Variants in UNC5CL observed in about 807,000 individuals in gnomAD.
UNC5CL encodes unc-5 family C-terminal like, also known as UNC5C-like protein.
A neutral mutation model predicts 54.1 loss-of-function variants in UNC5CL; 42 were observed. The observed-to-expected ratio is 0.78, with a 90% confidence interval of 0.61 to 1.00. UNC5CL has a LOEUF of 1.00. Among genes scored for constraint, UNC5CL ranks in the 50% least tolerant of loss-of-function variants. The pLI, the probability that UNC5CL is intolerant of heterozygous loss-of-function variation, is 0.00. For synonymous variants in UNC5CL, 285 were observed against 285.1 expected (o/e 1.00, Z 0.00); for missense variants, 619 against 675.6 (o/e 0.92, Z 0.93).
At chr6:41,030,251 G>A in intron 8 of UNC5CL, 137 bp downstream of exon 8, 1 of 737,648 alleles carries the variant, frequency 1.4e-6, no homozygotes, top group South Asian at 1.7e-5. Context: ...CCCTTTTATG[G>A]GAAATAGGGT....
chr6:41,028,304 G>C lies in UNC5CL; in HGVS notation c.*69C>G. 7.0e-7 allele frequency: 1 copy of C among 1,418,734 alleles called. No homozygotes were observed. The highest frequency in any genetic ancestry group is 2.5e-5 in the East Asian group (1 of 40,058). The allele number at this position is 1,418,734 out of a possible 1,614,324, so 87.9% of individuals were successfully genotyped here. ...GGGCACAGCCAGGAACAGCTGCTGT[G>C]TTCCTCTTAGGCGTAGGAGAACAAC... On this transcript the variant is annotated 3_prime_UTR_variant, in exon 9 of 9. Transcript: ENST00000244565. This position sits in a 1 kb window ranked among gnomAD's most constrained non-coding sequence, Gnocchi z 4.3.
chr6:41,035,030 C>A lies in UNC5CL; in HGVS notation c.45G>T (p.Leu15=). Residue 15 remains leucine (L), a synonymous_variant, in exon 2 of 9, where the codon CTG becomes CTT. Coordinates refer to ENST00000244565, the MANE Select transcript of UNC5CL (RefSeq NM_173561.3). ...CACTTGCCACTGGGACCCCCACCAG[C>A]AGTAGGAACTGGGAGGGTTGGAATG... ...ESSFQPSQFL[L]LVGVPVASVL... 1 of 1,598,034 alleles carries A rather than the reference C, an allele frequency of 6.3e-7. No individual in the cohort carries two copies. The highest frequency in any genetic ancestry group is 8.6e-7 in the Non-Finnish European group (1 of 1,168,288).
intron 7 of UNC5CL, 58 bp downstream of exon 7, chr6:41,030,597 G>A (rs1236709458): frequency 8.1e-6 from 13 of 1,608,622 alleles, no homozygotes; most frequent in African/African-American, 1.3e-5. Flanking sequence ...CACCCTGTGG[G>A]TGCCAGGGTA....
At chr6:41,038,239 G>T (rs138453995) in intron 1 of UNC5CL, among the ~76,000 whole-genome samples, 131 of 152,210 alleles carry the variant, frequency 8.6e-4, no homozygotes, top group African/African-American at 3.0e-3. Context: ...TCAGTTATGT[G>T]GTAATACCCA....
rs751416466 is a variant in UNC5CL at position 41,034,763 on chromosome 6, C to G, written c.312G>C (p.Ser104=). Residue 104 remains serine (S), a synonymous_variant, in exon 2 of 9, where the codon TCG becomes TCC. Transcript: ENST00000244565. ...CGCCGCGGTGATCCACCTCTCGAGC[C>G]GAAAACACCAACAGTTTGTGCATCA... ...RQLMHKLLVF[S]AREVDHRGGC... is the part of the protein sequence containing the mutation. 6.2e-7 allele frequency: 1 copy of G among 1,613,442 alleles called. No individual in the cohort carries two copies. Among genetic ancestry groups the G allele is most frequent in the East Asian group, 2.2e-5 (1 of 44,888 alleles).
At position 41,030,384 on chromosome 6, in the gene UNC5CL, C is replaced by T. The variant is rs1296451174; in HGVS notation, c.1334+4G>A. ...CCATCCACAGACCTCACCCCTCTTC[C>T]TACCGGATCTTCATGCCGCAAAGCC... is the stretch of plus-strand genomic sequence containing the variant. On this transcript the variant is annotated splice_donor_region_variant and intron_variant, in intron 8 of 8. Transcript: ENST00000244565. 1 of 1,613,940 alleles carries T rather than the reference C, an allele frequency of 6.2e-7. No individual in the cohort carries two copies. The highest frequency in any genetic ancestry group is 8.5e-7 in the Non-Finnish European group (1 of 1,179,848).
chr6:41,037,234 T>A (rs1762536430), intron 1 of UNC5CL, among the ~76,000 whole-genome samples: 1 of 152,252 alleles, frequency 6.6e-6, no homozygotes, highest in African/African-American at 2.4e-5. Flanking sequence ...CAAATGAACA[T>A]TTTCTAAGCA....
chr6:41,032,924 A>G lies in UNC5CL; in HGVS notation c.909T>C (p.Ala303=). The change falls in exon 4 of 9, where the codon GCT becomes GCC. Residue 303 remains alanine (A), a synonymous_variant. Transcript: ENST00000244565. ...TGAGCTTCAGGCACTGGTCGCCCCT[A>G]GCCCCATTGAAGTCGAAGAGCTGGC... The part of the protein sequence containing the change: ...GPCQLFDFNG[A]RGDQCLKLTY... The G allele has an allele frequency of 6.2e-7, 1 of 1,605,884 alleles. No homozygotes were observed. The highest frequency in any genetic ancestry group is 8.5e-7 in the Non-Finnish European group (1 of 1,176,222).
At chr6:41,036,307 G>C (rs1419657504) in intron 1 of UNC5CL, among the ~76,000 whole-genome samples, 1 of 152,158 alleles carries the variant, frequency 6.6e-6, no homozygotes, top group African/African-American at 2.4e-5. Context: ...TATATGAACA[G>C]AACAGCTCAC....
chr6:41,028,625 G>A lies in UNC5CL; in HGVS notation c.1335-30C>T. ...CCCGAGGTAGGGGAGGAAGAGAAGG[G>A]TGTAGGAGCAGGGAGGGGCTCCCCC... On this transcript the variant is annotated intron_variant, in intron 8 of 8. Transcript: ENST00000244565. The surrounding 1 kb of genome is among the most constrained non-coding windows in gnomAD (Gnocchi z 4.3). The A allele has an allele frequency of 6.2e-7, 1 of 1,601,440 alleles. No homozygotes were observed. Among genetic ancestry groups the A allele is most frequent in the Non-Finnish European group, 8.5e-7 (1 of 1,174,098 alleles).
chr6:41,029,510 C>T lies in UNC5CL; in HGVS notation c.1334+878G>A, dbSNP rs1762428371. 6.6e-6 allele frequency among the ~76,000 whole-genome samples: 1 copy of T among 152,206 alleles called. No homozygotes were observed. Among genetic ancestry groups the T allele is most frequent in the Non-Finnish European group, 1.5e-5 (1 of 68,036 alleles). On this transcript the variant is annotated intron_variant, in intron 8 of 8. Coordinates refer to ENST00000244565, the MANE Select transcript of UNC5CL (RefSeq NM_173561.3). This position sits in a 1 kb window ranked among gnomAD's most constrained non-coding sequence, Gnocchi z 4.1. ...TCTCTGAACCCTTTACTAGTGTGTG[C>T]GCTCCTAGGCGCCGGGACCATGCCT...
rs749327375 is a variant in UNC5CL, at chr6:41,034,848, A to G, written c.227T>C (p.Met76Thr). The change falls in exon 2 of 9, where the codon ATG (methionine) becomes ACG (threonine). Residue 76 changes from methionine (M) to threonine (T), a missense_variant. Met to Thr is a moderately conservative substitution (Grantham distance 81, BLOSUM62 -1). Transcript: ENST00000244565. ...GTGTAGCTCCTGGTAGAAGGCAACC[A>G]TCTCTGGCAGTGTGGCTGGCAGGTG... ...RQHLPATLPE[M>T]VAFYQELHTP... The G allele has an allele frequency of 1.9e-6, 3 of 1,614,228 alleles. No homozygotes were observed. Among genetic ancestry groups the G allele is most frequent in the Non-Finnish European group, 2.5e-6 (3 of 1,180,040 alleles).
At chr6:41,032,776 A>C in intron 4 of UNC5CL, 108 bp downstream of exon 4, 1 of 1,422,764 alleles carries the variant, frequency 7.0e-7, no homozygotes, top group Non-Finnish European at 9.3e-7. Flanking sequence ...AAAAAAAGAG[A>C]GAGAGACTTG....
intron 4 of UNC5CL, 78 bp downstream of exon 4, chr6:41,032,806 T>A (rs1405447863): frequency 2.2e-5 from 32 of 1,455,236 alleles, no homozygotes; most frequent in Non-Finnish European, 2.8e-5. Flanking sequence ...GATCTCCAGA[T>A]GTCCAGGGGA....
intron 6 of UNC5CL, 80 bp downstream of exon 6, chr6:41,031,601 T>C (rs1307292406): frequency 7.2e-7 from 1 of 1,385,264 alleles, no homozygotes; most frequent in Non-Finnish European, 1.0e-6. Context: ...CCATAGTTAC[T>C]GGGCACCAGA....
At chr6:41,030,837 C>A in intron 6 of UNC5CL, 82 bp from the exon 7 acceptor site, 1 of 1,237,640 alleles carries the variant, frequency 8.1e-7, no homozygotes, top group Non-Finnish European at 1.2e-6. Flanking sequence ...TACCTCCATT[C>A]CTCATGTCTC....
intron 4 of UNC5CL, 140 bp from the exon 5 acceptor site, chr6:41,032,277 AC>A: frequency 1.4e-6 from 1 of 702,096 alleles, no homozygotes; most frequent in African/African-American, 1.8e-5. Flanking sequence ...CTGGGCTGGG[AC>A]CCCAAGAGGG....
chr6:41,032,653 C>T (rs1762468392), intron 4 of UNC5CL, among the ~76,000 whole-genome samples: 1 of 152,156 alleles, frequency 6.6e-6, no homozygotes, highest in South Asian at 2.1e-4. Context: ...TGCAGCTACT[C>T]AGGAGACTGA....
Position 41,028,175 on chromosome 6 carries a change from C to T in UNC5CL, c.*198G>A. The T allele has an allele frequency of 1.6e-6, 1 of 607,618 alleles. No homozygotes were observed. Among genetic ancestry groups the T allele is most frequent in the Non-Finnish European group, 2.8e-6 (1 of 356,084 alleles). 37.6% of individuals were successfully genotyped at this position (607,618 alleles called of 1,614,324 possible). On this transcript the variant is annotated 3_prime_UTR_variant, in exon 9 of 9. Coordinates refer to ENST00000244565, the MANE Select transcript of UNC5CL (RefSeq NM_173561.3). The surrounding 1 kb of genome is among the most constrained non-coding windows in gnomAD (Gnocchi z 4.3). Reference sequence around the variant, plus strand: ...CGCCCTCTGCCGGCCAGGAGGGGACCCGCACGCGGGACAGCTCGCGGCCGG... The same window carrying T: ...CGCCCTCTGCCGGCCAGGAGGGGACTCGCACGCGGGACAGCTCGCGGCCGG...
Sources: gnomAD v4.1 joint callset for allele counts (sites outside exome capture counted in the v4.1 genomes callset) on GRCh38, gnomAD v4.1.1 for gene constraint, Gnocchi (gnomAD v3.1) non-coding constraint, MANE v1.5 for transcripts, NCBI Gene and HGNC (gene_info 2026-07-23, HGNC 2026-07-21) for gene names.